ZFAND6: variants seen among roughly 807,000 people sequenced by gnomAD.
ZFAND6 encodes the protein zinc finger AN1-type containing 6.
A neutral mutation model predicts 24.5 loss-of-function variants in ZFAND6; 12 were observed. The observed-to-expected ratio is 0.49, with a 90% CI of 0.31 to 0.79. The LOEUF (loss-of-function observed/expected upper bound fraction) is 0.79, where lower values mean the gene tolerates loss of function less well. Ranked by LOEUF, ZFAND6 falls within the 30% of genes least tolerant of loss-of-function variation. The pLI, the probability that ZFAND6 is intolerant of heterozygous loss-of-function variation, is 0.04. For missense variants in ZFAND6, 207 were observed against 245.9 expected (o/e 0.84, Z 1.06); for synonymous variants, 92 against 81.5 (o/e 1.13, Z -0.69).
intron 6 of ZFAND6, among the ~76,000 whole-genome samples, chr15:80,136,753 T>TA (rs2040883829): frequency 6.6e-6 from 1 of 152,262 alleles, no homozygotes; most frequent in Non-Finnish European, 1.5e-5. Flanking sequence ...GGACCAGTTT[T>TA]ATTTAAAGAC....
At chr15:80,083,706 C>A (rs1021269868) in intron 1 of ZFAND6, among the ~76,000 whole-genome samples, 1 of 152,108 alleles carries the variant, frequency 6.6e-6, no homozygotes, top group African/African-American at 2.4e-5. Context: ...GCCTGGCCAA[C>A]GTGGTGAAAC....
At chr15:80,098,849 TTTA>T (rs2038878957) in intron 2 of ZFAND6, among the ~76,000 whole-genome samples, 2 of 152,140 alleles carry the variant, frequency 1.3e-5, no homozygotes, top group Admixed American at 6.5e-5. Context: ...GCATTACTAA[TTTA>T]TTATTGTGAA....
intron 2 of ZFAND6, among the ~76,000 whole-genome samples, chr15:80,117,891 G>A (rs79590759): frequency 2.6e-4 from 40 of 152,100 alleles, no homozygotes; most frequent in African/African-American, 9.6e-4. Context: ...TGGTGAAAAA[G>A]GCAAATAACT....
At chr15:80,083,906 G>A (rs1050174868) in intron 1 of ZFAND6, among the ~76,000 whole-genome samples, 9 of 152,156 alleles carry the variant, frequency 5.9e-5, no homozygotes, top group South Asian at 2.1e-4. Flanking sequence ...AGGAAAAATG[G>A]CAGGAGAATG....
At chr15:80,109,574 G>A (rs2039504977) in intron 2 of ZFAND6, among the ~76,000 whole-genome samples, 1 of 152,124 alleles carries the variant, frequency 6.6e-6, no homozygotes, top group African/African-American at 2.4e-5. Context: ...GGTAGGAAGG[G>A]GAGTAAAAGA....
intron 6 of ZFAND6, among the ~76,000 whole-genome samples, chr15:80,132,290 A>G (rs1018916094): frequency 1.3e-5 from 2 of 152,222 alleles, no homozygotes; most frequent in African/African-American, 4.8e-5. Context: ...AGAGTTAGGC[A>G]TGTCTTGAAT....
chr15:80,083,271 A>G (rs894513029), intron 1 of ZFAND6, among the ~76,000 whole-genome samples: 2 of 152,144 alleles, frequency 1.3e-5, no homozygotes, highest in African/African-American at 2.4e-5. Context: ...GATTACAAGC[A>G]TGAGCCACCG....
At chr15:80,081,043 A>T (rs2037635300) in intron 1 of ZFAND6, among the ~76,000 whole-genome samples, 1 of 152,234 alleles carries the variant, frequency 6.6e-6, no homozygotes, top group Non-Finnish European at 1.5e-5. Context: ...TTATCAGTTG[A>T]TAAGGGTGGA....
intron 5 of ZFAND6, among the ~76,000 whole-genome samples, chr15:80,127,024 C>G (rs1450609065): frequency 6.6e-6 from 1 of 151,996 alleles, no homozygotes; most frequent in Non-Finnish European, 1.5e-5. Flanking sequence ...GGGAGGATCA[C>G]TTGAACTTGG....
chr15:80,113,135 T>G (rs2039695184), intron 2 of ZFAND6, among the ~76,000 whole-genome samples: 1 of 152,176 alleles, frequency 6.6e-6, no homozygotes, highest in Admixed American at 6.5e-5. Flanking sequence ...AAATTATTAG[T>G]GAAGGTCCCA....
chr15:80,098,786 T>C (rs2038874475), intron 2 of ZFAND6, among the ~76,000 whole-genome samples: 1 of 152,192 alleles, frequency 6.6e-6, no homozygotes, highest in Non-Finnish European at 1.5e-5. Flanking sequence ...TTATAACTAA[T>C]GTTATTAGTG....
At chr15:80,092,661 C>G (rs1352797925) in intron 1 of ZFAND6, among the ~76,000 whole-genome samples, 1 of 152,092 alleles carries the variant, frequency 6.6e-6, no homozygotes, top group Non-Finnish European at 1.5e-5. Flanking sequence ...TGCACGTAAT[C>G]AGTGGTGGGT....
intron 1 of ZFAND6, among the ~76,000 whole-genome samples, chr15:80,092,696 C>G (rs892701312): frequency 6.6e-6 from 1 of 151,912 alleles, no homozygotes; most frequent in East Asian, 1.9e-4. Context: ...ACGGTGTTAC[C>G]CTGGAATGTT....
At chr15:80,135,541 G>A (rs1171153975) in intron 6 of ZFAND6, among the ~76,000 whole-genome samples, 4 of 152,252 alleles carry the variant, frequency 2.6e-5, no homozygotes, top group African/African-American at 4.8e-5. Context: ...TTACAGAAAA[G>A]AGTAGATAAG....
intron 2 of ZFAND6, among the ~76,000 whole-genome samples, chr15:80,120,108 A>T (rs2142011908): frequency 6.6e-6 from 1 of 152,340 alleles, no homozygotes; most frequent in South Asian, 2.1e-4. Context: ...GAGCCTGTAC[A>T]GACTTGGCTT....
At chr15:80,096,552 G>C (rs1225443386) in intron 1 of ZFAND6, among the ~76,000 whole-genome samples, 1 of 152,124 alleles carries the variant, frequency 6.6e-6, no homozygotes, top group Non-Finnish European at 1.5e-5. Flanking sequence ...AAAACATCAA[G>C]TCATCTCTTA....
intron 1 of ZFAND6, among the ~76,000 whole-genome samples, chr15:80,068,104 G>GGCGA (rs1191928386): frequency 6.6e-6 from 1 of 151,034 alleles, no homozygotes; most frequent in African/African-American, 2.4e-5. Context: ...TGGGACTACA[G>GGCGA]GCGAGCACCA....
At chr15:80,112,155 G>C (rs1360905204) in intron 2 of ZFAND6, among the ~76,000 whole-genome samples, 1 of 152,082 alleles carries the variant, frequency 6.6e-6, no homozygotes, top group Non-Finnish European at 1.5e-5. Context: ...AGCTACATGG[G>C]AGGCTGAGGT....
intron 2 of ZFAND6, among the ~76,000 whole-genome samples, chr15:80,117,147 T>A (rs1032668373): frequency 6.6e-6 from 1 of 152,256 alleles, no homozygotes; most frequent in Non-Finnish European, 1.5e-5. Context: ...ACTTGACTGT[T>A]GTCTTTGATA....
Sources: allele counts gnomAD v4.1 joint callset (sites outside exome capture counted in the v4.1 genomes callset), GRCh38; gene constraint gnomAD v4.1.1; transcripts MANE v1.5; gene names NCBI Gene and HGNC (gene_info 2026-07-23, HGNC 2026-07-21).